Variants in TMC5 observed in about 807,000 individuals in gnomAD.
TMC5 encodes transmembrane channel-like protein 5.
Under a neutral mutation model 110.5 loss-of-function variants are expected in TMC5, and 86 were observed. That is an observed-to-expected ratio of 0.78 (90% CI 0.65 to 0.93). The LOEUF is 0.93. Ranked by LOEUF, TMC5 falls within the 40% of genes least tolerant of loss-of-function variation. The probability of loss-of-function intolerance (pLI) is 0.00; values close to 1 mark genes in which losing one functional copy is unlikely to be tolerated. For synonymous variants in TMC5, 455 were observed against 439.5 expected (o/e 1.04, Z -0.44); for missense variants, 1,144 against 1,222.8 (o/e 0.94, Z 0.96).
intron 1 of TMC5, among the ~76,000 whole-genome samples, chr16:19,418,558 G>A (rs1329156809): frequency 6.6e-6 from 1 of 152,068 alleles, no homozygotes; most frequent in Non-Finnish European, 1.5e-5. Flanking sequence ...TGTTGGATGA[G>A]TGAATTCAGG....
At chr16:19,426,955 G>A (rs1967098458) in intron 1 of TMC5, among the ~76,000 whole-genome samples, 1 of 152,148 alleles carries the variant, frequency 6.6e-6, no homozygotes, top group Admixed American at 6.5e-5. Flanking sequence ...CTGGGAATGG[G>A]ACCTGGGCTG....
chr16:19,458,412 C>T (rs1967940571), intron 5 of TMC5, among the ~76,000 whole-genome samples: 2 of 151,950 alleles, frequency 1.3e-5, no homozygotes, highest in South Asian at 4.1e-4. Context: ...AGGGTTTCAC[C>T]ATGTTGGCCA....
In TMC5 at chr16:19,460,291, A is replaced by G; in HGVS notation, c.1105A>G (p.Ile369Val). The part of the protein sequence containing the change: ...PMTSRDRIKA[I>V]RNQPRTMEEK... The stretch of plus-strand genomic sequence containing the variant: ...GACATCCAGAGACAGAATTAAAGCC[A>G]TCAGGAACCAGCCAAGGACCATGGA... Residue 369 changes from isoleucine (I) to valine (V), a missense_variant, in exon 6 of 22, where the codon ATC (isoleucine) becomes GTC (valine). Transcript: ENST00000542583. 6.2e-7 allele frequency: 1 copy of G among 1,613,902 alleles called. No individual in the cohort carries two copies. Among genetic ancestry groups the G allele is most frequent in the Non-Finnish European group, 8.5e-7 (1 of 1,179,832 alleles).
At chr16:19,471,592 G>T (rs1968342946) in intron 10 of TMC5, among the ~76,000 whole-genome samples, 1 of 152,058 alleles carries the variant, frequency 6.6e-6, no homozygotes, top group Non-Finnish European at 1.5e-5. Context: ...TCCTCTATGG[G>T]TCTCCCATAA....
At chr16:19,433,847 G>T (rs1967244193) in intron 2 of TMC5, among the ~76,000 whole-genome samples, 1 of 149,822 alleles carries the variant, frequency 6.7e-6, no homozygotes, top group African/African-American at 2.5e-5. Flanking sequence ...TTGAGACAGG[G>T]TCTCATTCTG....
intron 2 of TMC5, among the ~76,000 whole-genome samples, chr16:19,436,656 A>G (rs918574628): frequency 6.6e-6 from 1 of 152,206 alleles, no homozygotes; most frequent in Non-Finnish European, 1.5e-5. Context: ...CAAATGACAG[A>G]CACCCAACTC....
At chr16:19,495,293 C>T (rs1268305648) in intron 20 of TMC5, among the ~76,000 whole-genome samples, 1 of 23,410 alleles carries the variant, frequency 4.3e-5, no homozygotes, top group African/African-American at 8.0e-5. Context: ...GGATTACAGG[C>T]GTGAGCCACC....
At chr16:19,462,228 G>A (rs1471654473) in intron 6 of TMC5, among the ~76,000 whole-genome samples, 1 of 152,168 alleles carries the variant, frequency 6.6e-6, no homozygotes, top group East Asian at 1.9e-4. Context: ...TAACATCTGA[G>A]GGCTGGATCT....
intron 5 of TMC5, among the ~76,000 whole-genome samples, chr16:19,458,226 T>C (rs1967936594): frequency 6.6e-6 from 1 of 152,048 alleles, no homozygotes; most frequent in South Asian, 2.1e-4. Flanking sequence ...ATGTATTTAT[T>C]TGAGACAGAG....
At chr16:19,481,503 C>T in intron 15 of TMC5, 38 bp downstream of exon 15, 2 of 1,444,062 alleles carry the variant, frequency 1.4e-6, no homozygotes, top group African/African-American at 1.4e-5. Flanking sequence ...CAGTGGTTCC[C>T]ACATGACTGT....
At position 19,440,131 on chromosome 16, in the gene TMC5, A is replaced by C. The variant is rs1233504526; in HGVS notation, c.93A>C (p.Lys31Asn). 1 of 1,614,068 alleles carries C rather than the reference A, an allele frequency of 6.2e-7. No individual in the cohort carries two copies. The highest frequency in any genetic ancestry group is 8.5e-7 in the Non-Finnish European group (1 of 1,180,014). The change falls in exon 3 of 22, where the codon AAA (lysine) becomes AAC (asparagine). Residue 31 changes from lysine (K) to asparagine (N), a missense_variant. Coordinates refer to ENST00000542583, the MANE Select transcript of TMC5 (RefSeq NM_001261841.2). ...AGAACCGTACGCAGGGGTATTTGAA[A>C]ACTCAAGGTTATCCAGATGTTCCAG... is the stretch of plus-strand genomic sequence containing the variant. ...GSQNRTQGYL[K>N]TQGYPDVPGP...
At chr16:19,419,498 C>T (rs1054313640) in intron 1 of TMC5, among the ~76,000 whole-genome samples, 6 of 144,854 alleles carry the variant, frequency 4.1e-5, no homozygotes, top group Admixed American at 2.9e-4. Context: ...TTGCAAGCTC[C>T]GCCTCCCAGG....
chr16:19,475,290 C>G (rs144937161), intron 12 of TMC5, among the ~76,000 whole-genome samples: 1 of 152,010 alleles, frequency 6.6e-6, no homozygotes, highest in Non-Finnish European at 1.5e-5. Context: ...GGCTTGGTGA[C>G]GCATGTCTGT....
chr16:19,464,999 TTGTCTTTC>T (rs1239375396), intron 8 of TMC5, among the ~76,000 whole-genome samples: 1 of 95,434 alleles, frequency 1.0e-5, no homozygotes, highest in African/African-American at 3.0e-5. Flanking sequence ...TCCTTTCCTT[TTGTCTTTC>T]TTTCTTTCTT....
At chr16:19,474,084 T>G (rs745674689) in intron 11 of TMC5, 41 bp from the exon 12 acceptor site, 3 of 1,601,410 alleles carry the variant, frequency 1.9e-6, no homozygotes, top group Admixed American at 3.4e-5. Context: ...AGGGGTACAG[T>G]GTACAAGTCA....
chr16:19,497,955 C>T lies in TMC5; in HGVS notation c.3010C>T (p.Pro1004Ser). 1 of 1,613,962 alleles carries T rather than the reference C, an allele frequency of 6.2e-7. No homozygotes were observed. Among genetic ancestry groups the T allele is most frequent in the Non-Finnish European group, 8.5e-7 (1 of 1,179,968 alleles). The stretch of plus-strand genomic sequence containing the variant: ...TAGAAGATCAGTTCAAGAAGGTAAT[C>T]CAAGGGCCTGATGACTCTTTTGGTA... ...RSRRSVQEGN[P>S]RA Residue 1004 changes from proline (P) to serine (S), a missense_variant, in exon 22 of 22, where the codon CCA (proline) becomes TCA (serine). Pro to Ser is a moderately conservative substitution (Grantham distance 74, BLOSUM62 -1). Transcript: ENST00000542583.
rs757969590 is a variant in TMC5, at chr16:19,487,236, G to A, written c.2483G>A (p.Arg828Gln). ...MNFQPPSKAW[R>Q]ASQMMTFFIF... The stretch of plus-strand genomic sequence containing the variant: ...TTCCAGCCTCCGAGCAAAGCCTGGC[G>A]GGCCTCACAGATGATGACTTTCTTC... Residue 828 changes from arginine to glutamine, a missense_variant, in exon 17 of 22, where the codon CGG (arginine) becomes CAG (glutamine). Physicochemically the swap from Arg to Gln is conservative, Grantham distance 43. Coordinates refer to ENST00000542583, the MANE Select transcript of TMC5 (RefSeq NM_001261841.2). 1.7e-5 allele frequency: 28 copies of A among 1,613,884 alleles called. No individual in the cohort carries two copies. Among genetic ancestry groups the A allele is most frequent in the Non-Finnish European group, 2.2e-5 (26 of 1,179,990 alleles).
chr16:19,479,519 T>C lies in TMC5; in HGVS notation c.2258T>C (p.Phe753Ser). ...FSLVNSFLGEFLRRIIGMQLI... is the reference protein window; with the variant it reads ...FSLVNSFLGESLRRIIGMQLI... ...TTAGTCAATTCCTTCCTGGGGGAGT[T>C]TCTGAGGAGGTAAATATTTGCCATT... Residue 753 changes from phenylalanine to serine, a missense_variant, in exon 14 of 22, where the codon TTT (phenylalanine) becomes TCT (serine). Physicochemically the swap from Phe to Ser is radical, Grantham distance 155 (BLOSUM62 -2). Transcript: ENST00000542583. 1 of 1,611,796 alleles carries C rather than the reference T, an allele frequency of 6.2e-7. No individual in the cohort carries two copies. Among genetic ancestry groups the C allele is most frequent in the Non-Finnish European group, 8.5e-7 (1 of 1,177,940 alleles).
intron 19 of TMC5, among the ~76,000 whole-genome samples, chr16:19,493,123 G>C (rs1490488728): frequency 6.6e-6 from 1 of 150,452 alleles, no homozygotes; most frequent in Non-Finnish European, 1.5e-5. Context: ...CACCACACCC[G>C]GCTAATTTTG....
Sources: allele counts gnomAD v4.1 joint callset (sites outside exome capture counted in the v4.1 genomes callset), GRCh38; gene constraint gnomAD v4.1.1; transcripts MANE v1.5; gene names NCBI Gene and HGNC (gene_info 2026-07-23, HGNC 2026-07-21).